The following TPTE2 variants were observed in gnomAD, a reference collection of about 807,000 sequenced individuals.
TPTE2 encodes the protein phosphatidylinositol 3,4,5-trisphosphate 3-phosphatase TPTE2.
In TPTE2, 53 loss-of-function variants were observed where a neutral mutation model predicts 78.6. The ratio of observed to expected loss-of-function variants is 0.67; its 90% CI spans 0.54 to 0.85. The LOEUF (loss-of-function observed/expected upper bound fraction) is 0.85, where lower values mean the gene tolerates loss of function less well. Ranked by LOEUF, TPTE2 falls within the 40% of genes least tolerant of loss-of-function variation. The pLI is 0.00. For missense variants in TPTE2, 461 were observed against 623.0 expected (o/e 0.74, Z 2.77); for synonymous variants, 175 against 206.2 (o/e 0.85, Z 1.30).
At chr13:19,474,227 A>G (rs573075125) in intron 5 of TPTE2, 152 bp from the exon 9 acceptor site, 1 of 819,862 alleles carries the variant, frequency 1.2e-6, no homozygotes, top group South Asian at 3.4e-5. Context: ...TGGCAGGAAA[A>G]ACTGTAATGT....
chr13:19,498,491 A>G (rs1881538153), intron 1 of TPTE2, among the ~76,000 whole-genome samples: 1 of 152,142 alleles, frequency 6.6e-6, no homozygotes, highest in South Asian at 2.1e-4. Flanking sequence ...GGGGGCCAAT[A>G]TTCAACATTC....
the TPTE2 span, among the ~76,000 whole-genome samples, chr13:19,547,720 C>CATACATATATATATATATATATAT: frequency 8.5e-3 from 1,015 of 118,716 alleles, 20 homozygotes; most frequent in African/African-American, 0.019. Flanking sequence ...AATAAATATA[C>CATACATATATATATATATATATAT]ATATATATAT....
the TPTE2 span, among the ~76,000 whole-genome samples, chr13:19,546,092 C>CT: frequency 6.6e-6 from 1 of 152,020 alleles, no homozygotes; most frequent in African/African-American, 2.4e-5. Context: ...ACCTGGGAGG[C>CT]TGGGGGCAGG....
chr13:19,464,333 A>AT (rs997895030), intron 10 of TPTE2, 123 bp downstream of exon 13: 2 of 1,055,538 alleles, frequency 1.9e-6, no homozygotes, highest in Non-Finnish European at 2.8e-6. Flanking sequence ...ATCCATTATG[A>AT]TTTTTTTACT....
the TPTE2 span, among the ~76,000 whole-genome samples, chr13:19,546,374 G>A: frequency 1.7e-4 from 26 of 151,728 alleles, no homozygotes; most frequent in African/African-American, 6.3e-4. Context: ...GCCAGGCACA[G>A]TAGCTCACGC....
At chr13:19,549,426 G>A in the TPTE2 span, among the ~76,000 whole-genome samples, 2 of 152,162 alleles carry the variant, frequency 1.3e-5, no homozygotes, top group Non-Finnish European at 2.9e-5. Context: ...GAATCATCCG[G>A]GAAATGCAAA....
intron 14 of TPTE2, among the ~76,000 whole-genome samples, chr13:19,436,521 T>G (rs1877102243): frequency 6.6e-6 from 1 of 152,168 alleles, no homozygotes; most frequent in African/African-American, 2.4e-5. Flanking sequence ...CAAGTGATTC[T>G]ACTGCCTCAG....
chr13:19,457,688 G>C (rs145269392), intron 10 of TPTE2, among the ~76,000 whole-genome samples: 7 of 152,288 alleles, frequency 4.6e-5, no homozygotes, highest in African/African-American at 1.7e-4. Flanking sequence ...CATGTCCCTG[G>C]AAAGGATGTA....
intron 1 of TPTE2, among the ~76,000 whole-genome samples, chr13:19,528,439 T>A: frequency 6.6e-6 from 1 of 152,174 alleles, no homozygotes; most frequent in Non-Finnish European, 1.5e-5. Flanking sequence ...AATTTGTTTT[T>A]TTGGAACATC....
At chr13:19,507,084 TACAC>T (rs763030363), upstream of TPTE2, among the ~76,000 whole-genome samples, 3 of 152,054 alleles carry the variant, frequency 2.0e-5, no homozygotes, top group Non-Finnish European at 1.5e-5. Flanking sequence ...TTTATGAACA[TACAC>T]ACACACAACA....
chr13:19,487,053 T>C (rs1465504248), intron 3 of TPTE2, among the ~76,000 whole-genome samples: 1 of 152,142 alleles, frequency 6.6e-6, no homozygotes, highest in African/African-American at 2.4e-5. Flanking sequence ...CTGCTGGGAA[T>C]GGATACAGGA....
At chr13:19,536,324 ATATAC>A (rs1566081569) in intron 1 of TPTE2, among the ~76,000 whole-genome samples, 2 of 152,292 alleles carry the variant, frequency 1.3e-5, no homozygotes, top group South Asian at 2.1e-4. Context: ...TATGCATAAC[ATATAC>A]TATAATTATA....
chr13:19,447,905 T>C (rs1023949529), intron 13 of TPTE2, among the ~76,000 whole-genome samples: 2 of 152,168 alleles, frequency 1.3e-5, no homozygotes, highest in Admixed American at 1.3e-4. Context: ...TGAAATAGCA[T>C]CTCTGTTGGC....
chr13:19,513,615 T>C (rs1295364339), intron 1 of TPTE2, among the ~76,000 whole-genome samples: 1 of 152,190 alleles, frequency 6.6e-6, no homozygotes, highest in South Asian at 2.1e-4. Flanking sequence ...GCGCTACAAA[T>C]TACAATGTGT....
At chr13:19,504,524 T>C (rs1212633168), upstream of TPTE2, among the ~76,000 whole-genome samples, 1 of 152,092 alleles carries the variant, frequency 6.6e-6, no homozygotes, top group Non-Finnish European at 1.5e-5. Flanking sequence ...CACTGCTCCC[T>C]GTCCACTGCT....
At chr13:19,478,235 G>C (rs1320706619) in intron 4 of TPTE2, among the ~76,000 whole-genome samples, 2 of 152,148 alleles carry the variant, frequency 1.3e-5, no homozygotes, top group South Asian at 2.1e-4. Context: ...CCTACAGAAT[G>C]GGAGAAAATT....
At chr13:19,442,037 G>C (rs1323868074) in intron 13 of TPTE2, among the ~76,000 whole-genome samples, 3 of 151,970 alleles carry the variant, frequency 2.0e-5, no homozygotes. Context: ...AAATTCAATG[G>C]AACGAAAACA....
At chr13:19,506,428 C>T (rs1313245288), upstream of TPTE2, among the ~76,000 whole-genome samples, 2 of 151,990 alleles carry the variant, frequency 1.3e-5, no homozygotes, top group Non-Finnish European at 1.5e-5. Context: ...CCGCCTTGGC[C>T]TCCCAAAGTG....
chr13:19,451,169 T>G lies in TPTE2; in HGVS notation c.798A>C (p.Leu266=), dbSNP rs4529973. ...AATATAGAGTAATGTACATACTGCA[T>G]AGATTGTAGACTCGATAGTGGTTTC... The change falls in exon 11 of 20, where the codon CTA becomes CTC. Residue 266 remains leucine, a synonymous_variant. Transcript: ENST00000400230. 3.1e-3 allele frequency: 4,926 copies of G among 1,613,380 alleles called. 132 individuals carry two copies. The African/African-American group carries it at 0.059, about 19-fold the overall frequency.
Sources: allele counts gnomAD v4.1 joint callset (sites outside exome capture counted in the v4.1 genomes callset), GRCh38; gene constraint gnomAD v4.1.1; transcripts MANE v1.5; gene names NCBI Gene and HGNC (gene_info 2026-07-23, HGNC 2026-07-21).